Variants in MROH2A observed in about 807,000 individuals in gnomAD.
MROH2A encodes maestro heat-like repeat-containing protein family member 2A.
In MROH2A, 174 loss-of-function variants were observed where a neutral mutation model predicts 200.4. The observed-to-expected ratio is 0.87, with a 90% CI of 0.77 to 0.98. MROH2A has a LOEUF of 0.98. Ranked by LOEUF, MROH2A falls within the 50% of genes least tolerant of loss-of-function variation. The pLI, the probability that MROH2A is intolerant of heterozygous loss-of-function variation, is 0.00. For synonymous variants in MROH2A, 829 were observed against 840.4 expected (o/e 0.99, Z 0.23); for missense variants, 2,045 against 2,139.6 (o/e 0.96, Z 0.87).
Position 233,813,734 on chromosome 2 carries a change from G to A in MROH2A, c.2716G>A (p.Val906Ile). Residue 906 changes from valine to isoleucine, a missense_variant, in exon 25 of 42, where the codon GTA becomes ATA. Around this residue, in one of 3 missense-constraint regions of MROH2A, gnomAD observed 1,201 missense variants for 1,311.3 expected, o/e 0.92. Coordinates refer to ENST00000389758, the MANE Select transcript of MROH2A (RefSeq NM_001394639.1). ...SELMDISIHS[V>I]ISLQLPGEDN... ...GCTGATGGATATCAGCATACATTCT[G>A]TAATTTCTCTCCAACTCCCAGGAGA... is the stretch of plus-strand genomic sequence containing the variant. The A allele has an allele frequency of 6.5e-6, 10 of 1,550,240 alleles. No individual in the cohort carries two copies. The South Asian group carries it at 7.1e-5, about 11-fold the overall frequency.
At chr2:233,782,485 T>A (rs1700996225) in intron 3 of MROH2A, among the ~76,000 whole-genome samples, 2 of 152,254 alleles carry the variant, frequency 1.3e-5, no homozygotes, top group Non-Finnish European at 2.9e-5. Flanking sequence ...TTTCTTGGTT[T>A]CTTTTTCAAA....
Position 233,822,777 on chromosome 2 carries a change from T to C in MROH2A, c.3867-104T>C, listed in dbSNP as rs1704033316. ...GGACCTTTCCCTCAGTCCCTTGGGC[T>C]GGGCCCGGCAGGCACTGGGGCCCCA... On this transcript the variant is annotated intron_variant, in intron 33 of 41. Transcript: ENST00000389758. 2.8e-6 allele frequency: 4 copies of C among 1,405,888 alleles called. No homozygotes were observed. The Admixed American group carries it at 6.5e-5, about 23-fold the overall frequency. 87.1% of individuals were successfully genotyped at this position (1,405,888 alleles called of 1,614,324 possible).
chr2:233,781,601 G>A (rs1241451881), intron 3 of MROH2A, among the ~76,000 whole-genome samples: 1 of 152,024 alleles, frequency 6.6e-6, no homozygotes, highest in Non-Finnish European at 1.5e-5. Context: ...CTATTGAGTT[G>A]TTTGAGCTCC....
intron 3 of MROH2A, among the ~76,000 whole-genome samples, chr2:233,788,855 C>T (rs1421261584): frequency 1.5e-5 from 2 of 136,494 alleles, no homozygotes; most frequent in African/African-American, 2.7e-5. Flanking sequence ...AGGAGAATGG[C>T]GTGAACCCGG....
At chr2:233,817,368 G>A (rs1208521154) in intron 27 of MROH2A, among the ~76,000 whole-genome samples, 1 of 152,172 alleles carries the variant, frequency 6.6e-6, no homozygotes, top group Non-Finnish European at 1.5e-5. Flanking sequence ...CAGGATGGCT[G>A]TGGCAGGAGG....
Position 233,807,773 on chromosome 2 carries a change from T to TA in MROH2A, c.2218dup (p.Thr740AsnfsTer8). On this transcript the variant is annotated frameshift_variant, in exon 21 of 42. Transcript: ENST00000389758. LOFTEE classifies it high-confidence loss of function. The surrounding 1 kb of genome is among the most constrained non-coding windows in gnomAD (Gnocchi z 4.3). ...TTTGGCCTGTGTGCCCGGGGCCAGG[T>TA]AAAAACGGTGCTGAATGTGCTTCAT... The TA allele has an allele frequency of 6.4e-7, 1 of 1,550,714 alleles. No individual in the cohort carries two copies. Among genetic ancestry groups the TA allele is most frequent in the Non-Finnish European group, 8.7e-7 (1 of 1,147,032 alleles).
intron 14 of MROH2A, among the ~76,000 whole-genome samples, chr2:233,800,852 G>GAT (rs35032815): frequency 0.34 from 51,334 of 151,824 alleles, 10,665 homozygotes; most frequent in African/African-American, 0.58. Flanking sequence ...GTAGCAATAA[G>GAT]AGGAAAAATG....
At chr2:233,826,166 G>T (rs549185176) in intron 35 of MROH2A, among the ~76,000 whole-genome samples, 1 of 151,984 alleles carries the variant, frequency 6.6e-6, no homozygotes, top group African/African-American at 2.4e-5. Context: ...CTTGTGATTT[G>T]CCCGCCTCGG....
chr2:233,783,580 C>G (rs993825687), intron 3 of MROH2A, among the ~76,000 whole-genome samples: 1 of 152,108 alleles, frequency 6.6e-6, no homozygotes, highest in Non-Finnish European at 1.5e-5. Context: ...GAGTCTCACA[C>G]TGTTGCCCAG....
At chr2:233,788,063 TTA>T (rs72292317) in intron 3 of MROH2A, among the ~76,000 whole-genome samples, 25 of 44,340 alleles carry the variant, frequency 5.6e-4, no homozygotes, top group East Asian at 1.8e-3. Flanking sequence ...TATACATATA[TTA>T]TATATATACA....
At chr2:233,826,733 A>C (rs965420823) in intron 35 of MROH2A, among the ~76,000 whole-genome samples, 6 of 152,220 alleles carry the variant, frequency 3.9e-5, no homozygotes, top group African/African-American at 1.4e-4. Flanking sequence ...GGATCTAATT[A>C]AACTAAGGAG....
rs1491092815 is a variant in MROH2A at position 233,807,644 on chromosome 2, A to ATG, written c.2173-80_2173-79dup. On this transcript the variant is annotated intron_variant, in intron 20 of 41. Transcript: ENST00000389758. The surrounding 1 kb of genome is among the most constrained non-coding windows in gnomAD (Gnocchi z 4.3). Reference sequence around the variant, plus strand: ...ATGCGTTTTGTGTGTGTGTGTGTACATGTGTGTGTGCCTTGCACGTGTGTG... The same window carrying ATG: ...ATGCGTTTTGTGTGTGTGTGTGTACATGTGTGTGTGTGCCTTGCACGTGTGTG... 2 of 1,543,926 alleles carry ATG rather than the reference A, an allele frequency of 1.3e-6. No homozygotes were observed. Among genetic ancestry groups the ATG allele is most frequent in the African/African-American group, 1.4e-5 (1 of 72,868 alleles).
intron 27 of MROH2A, among the ~76,000 whole-genome samples, chr2:233,817,266 G>A (rs146555104): frequency 1.7e-3 from 266 of 152,354 alleles, no homozygotes; most frequent in African/African-American, 5.0e-3. Context: ...CTAGAACGAC[G>A]TAGTGTTTTT....
At chr2:233,818,168 A>G (rs757807155) in intron 28 of MROH2A, 43 bp downstream of exon 28, 12 of 1,545,348 alleles carry the variant, frequency 7.8e-6, no homozygotes, top group Admixed American at 3.9e-5. Context: ...TCTGGGAGGG[A>G]GAGAGGGCTG....
intron 8 of MROH2A, among the ~76,000 whole-genome samples, chr2:233,794,968 A>G (rs1702011248): frequency 6.6e-6 from 1 of 152,178 alleles, no homozygotes; most frequent in Admixed American, 6.5e-5. Flanking sequence ...CTGTGGCAGC[A>G]TCACTCCAAT....
intron 14 of MROH2A, among the ~76,000 whole-genome samples, chr2:233,801,636 C>T (rs369176621): frequency 1.4e-3 from 206 of 152,256 alleles, no homozygotes; most frequent in African/African-American, 4.8e-3. Flanking sequence ...ACTCTTAAGG[C>T]GTTTCACCCA....
rs761552601 is a variant in MROH2A at position 233,829,020 on chromosome 2, T to C, written c.4394T>C (p.Val1465Ala). 2 of 1,549,878 alleles carry C rather than the reference T, an allele frequency of 1.3e-6. No homozygotes were observed. The highest frequency in any genetic ancestry group is 1.7e-6 in the Non-Finnish European group (2 of 1,146,666). Residue 1465 changes from valine to alanine, a missense_variant, in exon 37 of 42, where the codon GTG (valine) becomes GCG (alanine). By Grantham distance (64) the Val-to-Ala change is moderately conservative. Coordinates refer to ENST00000389758, the MANE Select transcript of MROH2A (RefSeq NM_001394639.1). Reference protein sequence around the residue: ...KILAELREGDVGSSFDAMSEQ... With the variant: ...KILAELREGDAGSSFDAMSEQ... Reference sequence around the variant, plus strand: ...CTGGCTGAGCTCCGGGAAGGGGATGTGGGGTCCTCTTTCGACGCCATGTCT... The same window carrying C: ...CTGGCTGAGCTCCGGGAAGGGGATGCGGGGTCCTCTTTCGACGCCATGTCT...
At chr2:233,785,145 CA>C (rs201302664) in intron 3 of MROH2A, among the ~76,000 whole-genome samples, 166 of 140,614 alleles carry the variant, frequency 1.2e-3, no homozygotes, top group African/African-American at 1.1e-3. Context: ...GACTCCATCT[CA>C]AAAAAAAAAA....
At chr2:233,806,864 A>T (rs1417931023) in intron 19 of MROH2A, among the ~76,000 whole-genome samples, 1 of 152,012 alleles carries the variant, frequency 6.6e-6, no homozygotes, top group Non-Finnish European at 1.5e-5. Context: ...ATAAATGGGA[A>T]TTTGCAAGAT....
Sources: gnomAD v4.1 joint callset for allele counts (sites outside exome capture counted in the v4.1 genomes callset) on GRCh38, gnomAD v4.1.1 for gene constraint, gnomAD v4.1.1 regional missense constraint, Gnocchi (gnomAD v3.1) non-coding constraint, MANE v1.5 for transcripts, NCBI Gene and HGNC (gene_info 2026-07-23, HGNC 2026-07-21) for gene names.